Variants in ZNF681 observed in about 807,000 individuals in gnomAD.
ZNF681 encodes the protein zinc finger protein 681, also known as hypothetical protein FLJ31526.
In ZNF681, 37 loss-of-function variants were observed where a neutral mutation model predicts 56.0. The ratio of observed to expected loss-of-function variants is 0.66; its 90% CI spans 0.51 to 0.87. The LOEUF is 0.87. ZNF681 is among the 40% of genes least tolerant of loss of function. ZNF681 has a pLI of 0.00. For missense variants in ZNF681, 741 were observed against 744.9 expected, an observed-to-expected ratio of 0.99 and a Z score of 0.06; for synonymous variants, 225 against 248.6, an observed-to-expected ratio of 0.91 and a Z score of 0.89.
At chr19:23,749,695 G>A (rs1968995964) in intron 3 of ZNF681, among the ~76,000 whole-genome samples, 1 of 151,768 alleles carries the variant, frequency 6.6e-6, no homozygotes, top group Admixed American at 6.6e-5. Context: ...CAATCCTCCT[G>A]CCTTAAGATC....
At chr19:23,749,828 A>G (rs992780018) in intron 3 of ZNF681, among the ~76,000 whole-genome samples, 1 of 152,162 alleles carries the variant, frequency 6.6e-6, no homozygotes, top group Non-Finnish European at 1.5e-5. Context: ...ATCTGAAAAA[A>G]TTCAGAATCA....
chr19:23,755,355 A>G (rs375146898), intron 2 of ZNF681, 70 bp downstream of exon 2: 4 of 1,527,368 alleles, frequency 2.6e-6, no homozygotes, highest in African/African-American at 1.4e-5. Flanking sequence ...ATTACCTAAA[A>G]ACATTATACA....
intron 3 of ZNF681, among the ~76,000 whole-genome samples, chr19:23,749,247 A>G (rs1255449509): frequency 6.6e-6 from 1 of 152,200 alleles, no homozygotes; most frequent in Non-Finnish European, 1.5e-5. Flanking sequence ...GATGGCTACT[A>G]TATGATCCCA....
intron 1 of ZNF681, 149 bp from the exon 2 acceptor site, chr19:23,755,700 T>G: frequency 2.0e-6 from 2 of 1,011,226 alleles, no homozygotes; most frequent in East Asian, 6.8e-5. Flanking sequence ...ATGACTGAAA[T>G]TATCCAATAA....
chr19:23,748,851 A>AT (rs1968983855), intron 3 of ZNF681, among the ~76,000 whole-genome samples: 2 of 152,182 alleles, frequency 1.3e-5, no homozygotes, highest in South Asian at 4.1e-4. Context: ...GCCACTATCA[A>AT]TTTTTTTAAA....
rs1172330760 is a variant in ZNF681 at position 23,743,423 on chromosome 19, T to C, written c.*189A>G. The C allele has an allele frequency of 5.3e-5, 25 of 468,832 alleles. No individual in the cohort carries two copies. The highest frequency in any genetic ancestry group is 7.7e-5 in the Non-Finnish European group (21 of 273,832). The allele number at this position is 468,832 out of a possible 1,614,324, so 29.0% of individuals were successfully genotyped here. ...TGAGTAAGATGTGAACAGATATTAA[T>C]GGCTTTTTCACATTCTGTATATTTG... On this transcript the variant is annotated 3_prime_UTR_variant, in exon 4 of 4. Transcript: ENST00000402377.
intron 1 of ZNF681, among the ~76,000 whole-genome samples, chr19:23,757,477 T>C (rs1321620368): frequency 6.6e-6 from 1 of 152,208 alleles, no homozygotes; most frequent in Non-Finnish European, 1.5e-5. Flanking sequence ...ATTTATATTG[T>C]GTCTGTTTAC....
intron 3 of ZNF681, among the ~76,000 whole-genome samples, chr19:23,748,553 C>A (rs1414364523): frequency 1.3e-5 from 2 of 152,126 alleles, no homozygotes; most frequent in East Asian, 1.9e-4. Flanking sequence ...TATAGAAGTT[C>A]ACGGCCCTTA....
intron 3 of ZNF681, among the ~76,000 whole-genome samples, chr19:23,750,821 T>G (rs566653600): frequency 2.7e-5 from 1 of 37,038 alleles, no homozygotes; most frequent in South Asian, 1.8e-3. Context: ...TGAGACCGCA[T>G]CTCTAAAAAA....
chr19:23,756,847 A>C (rs1969127728), intron 1 of ZNF681, among the ~76,000 whole-genome samples: 1 of 152,056 alleles, frequency 6.6e-6, no homozygotes, highest in South Asian at 2.1e-4. Flanking sequence ...ATACTTAGAA[A>C]TAAATGATAA....
In ZNF681 at chr19:23,755,436, A is replaced by C. The variant is rs1401146165; in HGVS notation, c.119T>G (p.Leu40Arg). ...RNVMLENYRN[L>R]VFLGIVVSKP... ...GAAGTTATCCTCACCCAAGAAGACCAGGTTTCTGTAGTTCTCTAACATCAC... is the reference window on the plus strand; with the variant it reads ...GAAGTTATCCTCACCCAAGAAGACCCGGTTTCTGTAGTTCTCTAACATCAC... The change falls in exon 2 of 4, where the codon CTG becomes CGG. Residue 40 changes from leucine to arginine, a missense_variant. Transcript: ENST00000402377. 6.2e-7 allele frequency: 1 copy of C among 1,610,978 alleles called. No individual in the cohort carries two copies. Among genetic ancestry groups the C allele is most frequent in the Admixed American group, 1.7e-5 (1 of 59,474 alleles).
intron 3 of ZNF681, among the ~76,000 whole-genome samples, chr19:23,753,753 C>T (rs12977745): frequency 0.059 from 8,852 of 148,906 alleles, 285 homozygotes; most frequent in Non-Finnish European, 0.067. Flanking sequence ...TCCAGCTACT[C>T]GGAGGGACTG....
At chr19:23,755,781 A>G (rs890448321) in intron 1 of ZNF681, among the ~76,000 whole-genome samples, 1 of 152,210 alleles carries the variant, frequency 6.6e-6, no homozygotes, top group Non-Finnish European at 1.5e-5. Context: ...GCGGCATTAG[A>G]TCTATAACAC....
chr19:23,754,768 A>C (rs1969088152), intron 3 of ZNF681, 55 bp downstream of exon 3: 2 of 1,397,206 alleles, frequency 1.4e-6, no homozygotes, highest in Non-Finnish European at 2.0e-6. Context: ...TTTTTCTTTG[A>C]CCTTTGAACC....
intron 3 of ZNF681, among the ~76,000 whole-genome samples, chr19:23,753,181 C>T (rs1158027183): frequency 6.6e-6 from 1 of 152,280 alleles, no homozygotes; most frequent in Non-Finnish European, 1.5e-5. Flanking sequence ...GGTGGATCAT[C>T]TGAGGTCAAA....
chr19:23,752,751 A>C (rs908491280), intron 3 of ZNF681, among the ~76,000 whole-genome samples: 1 of 151,792 alleles, frequency 6.6e-6, no homozygotes, highest in African/African-American at 2.4e-5. Context: ...CCAACAAAAG[A>C]CCTTTACCTT....
chr19:23,756,242 G>T (rs1969115969), intron 1 of ZNF681, among the ~76,000 whole-genome samples: 1 of 151,880 alleles, frequency 6.6e-6, no homozygotes, highest in Non-Finnish European at 1.5e-5. Flanking sequence ...GGAGAATGGC[G>T]TGAACCCAGG....
chr19:23,741,364 T>C lies in ZNF681; in HGVS notation c.*2248A>G, dbSNP rs528633917. The C allele has an allele frequency of 1.7e-4, 26 of 152,318 alleles. No homozygotes were observed. Among genetic ancestry groups the C allele is most frequent in the African/African-American group, 6.0e-4 (25 of 41,572 alleles). The allele number at this position is 152,318 out of a possible 1,614,324, so 9.4% of individuals were successfully genotyped here. ...TGTATGCATTTTGTTTATATTGTTT[T>C]CTTATGACCATAAAAGAGACCCTGT... On this transcript the variant is annotated 3_prime_UTR_variant, in exon 4 of 4. Coordinates refer to ENST00000402377, the MANE Select transcript of ZNF681 (RefSeq NM_138286.3).
intron 3 of ZNF681, among the ~76,000 whole-genome samples, chr19:23,754,337 G>T (rs772606493): frequency 6.6e-6 from 1 of 152,096 alleles, no homozygotes; most frequent in Admixed American, 6.6e-5. Flanking sequence ...ACTTAAAAGC[G>T]TAAGACAGAA....
Sources: gnomAD v4.1 joint callset for allele counts (sites outside exome capture counted in the v4.1 genomes callset) on GRCh38, gnomAD v4.1.1 for gene constraint, MANE v1.5 for transcripts, NCBI Gene and HGNC (gene_info 2026-07-23, HGNC 2026-07-21) for gene names.